JAKMIP1: variants seen among roughly 807,000 people sequenced by gnomAD.
The protein encoded by JAKMIP1 is janus kinase and microtubule interacting protein 1, also known as janus kinase and microtubule-interacting protein 1.
JAKMIP1 carries 33 observed loss-of-function variants against 113.0 expected under a neutral mutation model. The observed-to-expected ratio is 0.29, with a 90% CI of 0.22 to 0.39. JAKMIP1 has a LOEUF of 0.39. JAKMIP1 is among the 10% of genes least tolerant of loss of function. JAKMIP1 has a pLI of 1.00. For missense variants in JAKMIP1, 813 were observed against 1,080.5 expected (o/e 0.75, Z 3.47); for synonymous variants, 480 against 459.9 (o/e 1.04, Z -0.56).
At position 6,065,031 on chromosome 4, in the gene JAKMIP1, T is replaced by C. The variant is rs200241347; in HGVS notation, c.1303-23A>G. The C allele has an allele frequency of 6.2e-5, 100 of 1,613,920 alleles. No individual in the cohort carries two copies. In the African/African-American group the frequency reaches 1.3e-3, roughly 21 times the overall value. On this transcript the variant is annotated intron_variant, in intron 8 of 20. Transcript: ENST00000409021. The surrounding 1 kb of genome is among the most constrained non-coding windows in gnomAD (Gnocchi z 5.1). ...CTTCTGTAAAACGCAATTTGTATGATGTTAGCAACGACTGAGGATTGCCAG... is the reference window on the plus strand; with the variant it reads ...CTTCTGTAAAACGCAATTTGTATGACGTTAGCAACGACTGAGGATTGCCAG...
chr4:6,148,033 T>C (rs375327393), intron 1 of JAKMIP1, among the ~76,000 whole-genome samples: 6 of 152,248 alleles, frequency 3.9e-5, no homozygotes, highest in African/African-American at 1.4e-4. Flanking sequence ...CGTGTCTTAG[T>C]CATCTTTGTG....
At chr4:6,172,694 T>A (rs1724880434) in intron 1 of JAKMIP1, among the ~76,000 whole-genome samples, 1 of 152,200 alleles carries the variant, frequency 6.6e-6, no homozygotes, top group Non-Finnish European at 1.5e-5. Flanking sequence ...TAGGACTCTG[T>A]TCCCAGAAAC....
intron 12 of JAKMIP1, among the ~76,000 whole-genome samples, chr4:6,054,402 A>C (rs35053331): frequency 0.29 from 44,107 of 152,138 alleles, 10,695 homozygotes; most frequent in African/African-American, 0.67. Context: ...GGCCCAGTGG[A>C]GTAGGGGCTA....
chr4:6,037,958 C>T (rs1713754350), intron 18 of JAKMIP1, among the ~76,000 whole-genome samples: 6 of 129,978 alleles, frequency 4.6e-5, no homozygotes, highest in Non-Finnish European at 3.2e-5. Context: ...ACCCAGTAGC[C>T]CTCCATCACC....
At chr4:6,077,435 T>C (rs1162763457) in intron 8 of JAKMIP1, among the ~76,000 whole-genome samples, 1 of 151,760 alleles carries the variant, frequency 6.6e-6, no homozygotes, top group African/African-American at 2.4e-5. Flanking sequence ...GACACCTTAA[T>C]TTCAGCATTC....
Position 6,053,906 on chromosome 4 carries a change from AAAAG to A in JAKMIP1, c.1806+140_1806+143del, listed in dbSNP as rs574362085. 2,563 of 1,531,700 alleles carry A rather than the reference AAAAG, an allele frequency of 1.7e-3. 1 individual carries two copies. Among genetic ancestry groups the A allele is most frequent in the Non-Finnish European group, 2.0e-3 (2,328 of 1,144,674 alleles). 94.9% of individuals were successfully genotyped at this position (1,531,700 alleles called of 1,614,324 possible). ...TTCTGAACATACAGATTTAAAAAAA[AAAAG>A]AAAGAAAGAAAGAAAGAAACTATAA... On this transcript the variant is annotated intron_variant, in intron 13 of 20. Coordinates refer to ENST00000409021, the MANE Select transcript of JAKMIP1 (RefSeq NM_001099433.2).
In JAKMIP1 at chr4:6,049,051, G is replaced by T; in HGVS notation, c.1963-129C>A. 1.4e-6 allele frequency: 1 copy of T among 703,812 alleles called. No individual in the cohort carries two copies. The highest frequency in any genetic ancestry group is 2.5e-6 in the Non-Finnish European group (1 of 406,256). 43.6% of individuals were successfully genotyped at this position (703,812 alleles called of 1,614,324 possible). The stretch of plus-strand genomic sequence containing the variant: ...TTATTATGTTTGTTTGTTTTGAGAC[G>T]GAGTCTCTCTCTGTCACCTGGGTTT... On this transcript the variant is annotated intron_variant, in intron 15 of 20. Coordinates refer to ENST00000409021, the MANE Select transcript of JAKMIP1 (RefSeq NM_001099433.2). The surrounding 1 kb of genome is among the most constrained non-coding windows in gnomAD (Gnocchi z 7.0).
rs1327546158 is a variant in JAKMIP1, at chr4:6,076,486, GT to G, written c.1302+2452del. 6.6e-6 allele frequency among the ~76,000 whole-genome samples: 1 copy of G among 152,062 alleles called. No individual in the cohort carries two copies. The highest frequency in any genetic ancestry group is 1.9e-4 in the East Asian group (1 of 5,190). On this transcript the variant is annotated intron_variant, in intron 8 of 20. Coordinates refer to ENST00000409021, the MANE Select transcript of JAKMIP1 (RefSeq NM_001099433.2). This position sits in a 1 kb window ranked among gnomAD's most constrained non-coding sequence, Gnocchi z 4.8. ...GTGGCTGTGAGAATTCAATGAGATTGTTTAAATACCCACTCATCTGAGAATC... is the reference window on the plus strand; with the variant it reads ...GTGGCTGTGAGAATTCAATGAGATTGTTAAATACCCACTCATCTGAGAATC...
chr4:6,035,801 T>C, intron 19 of JAKMIP1, 103 bp downstream of exon 19: 6 of 995,802 alleles, frequency 6.0e-6, no homozygotes, highest in Non-Finnish European at 8.6e-6. Flanking sequence ...CAACTCTCCC[T>C]GGAATGAGCC....
At position 6,067,487 on chromosome 4, in the gene JAKMIP1, C is replaced by A. The variant is rs1039405860; in HGVS notation, c.1303-2479G>T. On this transcript the variant is annotated intron_variant, in intron 8 of 20. Coordinates refer to ENST00000409021, the MANE Select transcript of JAKMIP1 (RefSeq NM_001099433.2). This position sits in a 1 kb window ranked among gnomAD's most constrained non-coding sequence, Gnocchi z 4.6. ...TCTGGATGAGAACCCCACCCGACTT[C>A]AGGCATCATGGACTCTTCCAACCAG... Among the ~76,000 whole-genome samples the A allele has an allele frequency of 1.3e-5, 2 of 152,190 alleles. No homozygotes were observed. Among genetic ancestry groups the A allele is most frequent in the Non-Finnish European group, 1.5e-5 (1 of 68,034 alleles).
At chr4:6,114,684 C>G (rs1167401001) in intron 1 of JAKMIP1, among the ~76,000 whole-genome samples, 1 of 152,238 alleles carries the variant, frequency 6.6e-6, no homozygotes, top group Non-Finnish European at 1.5e-5. Flanking sequence ...AACATCACCG[C>G]TGATCGATTC....
At chr4:6,152,281 A>T (rs1321390733) in intron 1 of JAKMIP1, among the ~76,000 whole-genome samples, 2 of 152,202 alleles carry the variant, frequency 1.3e-5, no homozygotes, top group East Asian at 3.9e-4. Context: ...ATGACCTCCC[A>T]CTGGGACTCT....
intron 1 of JAKMIP1, among the ~76,000 whole-genome samples, chr4:6,147,483 T>C (rs1175686170): frequency 6.6e-6 from 1 of 152,118 alleles, no homozygotes; most frequent in African/African-American, 2.4e-5. Flanking sequence ...GCCTCGTCTG[T>C]CTCCCAGGCT....
At position 6,030,499 on chromosome 4, in the gene JAKMIP1, C is replaced by T. The variant is rs144899728; in HGVS notation, c.2380-718G>A. Among the ~76,000 whole-genome samples the T allele has an allele frequency of 2.5e-3, 377 of 152,240 alleles. 3 individuals carry two copies. Among genetic ancestry groups the T allele is most frequent in the African/African-American group, 8.8e-3 (364 of 41,550 alleles). ...GGTTTACCGATCATTCCTTCCCATC[C>T]CACACAGCGTCTCCACCGAGGGAAT... On this transcript the variant is annotated intron_variant, in intron 19 of 20. Transcript: ENST00000409021.
chr4:6,096,905 T>C (rs1173738022), intron 3 of JAKMIP1, among the ~76,000 whole-genome samples: 6 of 152,262 alleles, frequency 3.9e-5, no homozygotes, highest in Non-Finnish European at 2.9e-5. Context: ...AACAAAAGTC[T>C]GTGTACATTG....
rs1423223330 is a variant in JAKMIP1, at chr4:6,129,966, T to A, written c.-147-16969A>T. 6.6e-6 allele frequency among the ~76,000 whole-genome samples: 1 copy of A among 152,170 alleles called. No homozygotes were observed. The highest frequency in any genetic ancestry group is 2.4e-5 in the African/African-American group (1 of 41,448). ...GTCCTAACAAGTCCATCTTGATATGTCCCAGTGAAGCCAAGTTCAGGAGAA... is the reference window on the plus strand; with the variant it reads ...GTCCTAACAAGTCCATCTTGATATGACCCAGTGAAGCCAAGTTCAGGAGAA... On this transcript the variant is annotated intron_variant, in intron 1 of 20. Transcript: ENST00000409021. The surrounding 1 kb of genome is among the most constrained non-coding windows in gnomAD (Gnocchi z 5.4).
chr4:6,127,313 C>T (rs550892440), intron 1 of JAKMIP1, among the ~76,000 whole-genome samples: 2 of 152,218 alleles, frequency 1.3e-5, no homozygotes, highest in South Asian at 2.1e-4. Flanking sequence ...AACTGAGGCT[C>T]GGAGCCACAA....
rs1454749071 is a variant in JAKMIP1, at chr4:6,081,013, A to ACACC, written c.1101+595_1101+596insGGTG. On this transcript the variant is annotated intron_variant, in intron 6 of 20. Coordinates refer to ENST00000409021, the MANE Select transcript of JAKMIP1 (RefSeq NM_001099433.2). The surrounding 1 kb of genome is among the most constrained non-coding windows in gnomAD (Gnocchi z 4.6). Reference sequence around the variant, plus strand: ...CACACACACACACACACACACACACACCTGCATCTGCTACAGTGCAGACAG... The same window carrying ACACC: ...CACACACACACACACACACACACACACACCCCTGCATCTGCTACAGTGCAGACAG... 6.6e-6 allele frequency among the ~76,000 whole-genome samples: 1 copy of ACACC among 151,154 alleles called. No homozygotes were observed. Among genetic ancestry groups the ACACC allele is most frequent in the Non-Finnish European group, 1.5e-5 (1 of 67,758 alleles).
At chr4:6,026,304 G>A (rs1245034627) in intron 20 of JAKMIP1, 26 bp from the exon 21 acceptor site, 6 of 1,098,756 alleles carry the variant, frequency 5.5e-6, no homozygotes, top group Middle Eastern at 2.0e-4. Context: ...AAAAGAAAAT[G>A]AGGAAAAGAG....
Sources: allele counts gnomAD v4.1 joint callset (sites outside exome capture counted in the v4.1 genomes callset), GRCh38; gene constraint gnomAD v4.1.1; non-coding constraint Gnocchi (gnomAD v3.1); transcripts MANE v1.5; gene names NCBI Gene and HGNC (gene_info 2026-07-23, HGNC 2026-07-21).